The following INPP5A variants were observed in gnomAD, a reference collection of about 807,000 sequenced individuals.
The protein encoded by INPP5A is inositol polyphosphate-5-phosphatase A.
INPP5A carries 14 observed loss-of-function variants against 65.2 expected under a neutral mutation model. That is an observed-to-expected ratio of 0.21 (90% CI 0.14 to 0.34). The LOEUF (loss-of-function observed/expected upper bound fraction) is 0.34. Ranked by LOEUF, INPP5A falls within the 10% of genes least tolerant of loss-of-function variation. INPP5A has a pLI of 1.00. For missense variants in INPP5A, 431 were observed against 545.6 expected (o/e 0.79, Z 2.09); for synonymous variants, 207 against 208.3 (o/e 0.99, Z 0.05).
intron 9 of INPP5A, among the ~76,000 whole-genome samples, chr10:132,735,520 T>C (rs1846160749): frequency 6.6e-6 from 1 of 152,210 alleles, no homozygotes; most frequent in Non-Finnish European, 1.5e-5. Context: ...TGTAATGGTC[T>C]TTCAGAAACC....
chr10:132,673,135 G>A (rs886094222), intron 4 of INPP5A, among the ~76,000 whole-genome samples: 2 of 152,206 alleles, frequency 1.3e-5, no homozygotes, highest in South Asian at 2.1e-4. Context: ...CCCCAACAGT[G>A]TAACTCCTTT....
At chr10:132,746,305 G>A (rs555524302) in intron 9 of INPP5A, among the ~76,000 whole-genome samples, 9 of 152,236 alleles carry the variant, frequency 5.9e-5, no homozygotes, top group Non-Finnish European at 8.8e-5. Context: ...TGGGCTGACA[G>A]GGTCTGAGAG....
Position 132,678,300 on chromosome 10 carries a change from C to A in INPP5A, c.307-12092C>A, listed in dbSNP as rs1396557463. Among the ~76,000 whole-genome samples, 1 of 152,198 alleles carries A rather than the reference C, an allele frequency of 6.6e-6. No individual in the cohort carries two copies. The highest frequency in any genetic ancestry group is 1.5e-5 in the Non-Finnish European group (1 of 68,032). The stretch of plus-strand genomic sequence containing the variant: ...ATGAGTTCATTATACAGGAAAAGAT[C>A]AATGAAGCGCTACATTGATTTAAAC... On this transcript the variant is annotated intron_variant, in intron 4 of 15. Transcript: ENST00000368594. This position sits in a 1 kb window ranked among gnomAD's most constrained non-coding sequence, Gnocchi z 4.1.
At position 132,657,220 on chromosome 10, in the gene INPP5A, C is replaced by T. The variant is rs552254873; in HGVS notation, c.306+6715C>T. 3.3e-5 allele frequency among the ~76,000 whole-genome samples: 5 copies of T among 152,330 alleles called. No individual in the cohort carries two copies. The South Asian group carries it at 6.2e-4, about 19-fold the overall frequency. ...GGGCAGAGTGGCCACAGCACGTGGC[C>T]GCTGGTCACCAACCGGGGGCTTACC... On this transcript the variant is annotated intron_variant, in intron 4 of 15. Coordinates refer to ENST00000368594, the MANE Select transcript of INPP5A (RefSeq NM_005539.5).
chr10:132,635,627 C>A (rs752361281), intron 2 of INPP5A, among the ~76,000 whole-genome samples: 1 of 151,528 alleles, frequency 6.6e-6, no homozygotes, highest in Non-Finnish European at 1.5e-5. Context: ...GATCTCCTGA[C>A]CTCGTGACCC....
At position 132,749,522 on chromosome 10, in the gene INPP5A, C is replaced by T. The variant is rs770039833; in HGVS notation, c.738C>T (p.Leu246=). The T allele has an allele frequency of 6.2e-7, 1 of 1,612,912 alleles. No individual in the cohort carries two copies. Residue 246 remains leucine (L), a synonymous_variant, in exon 10 of 16, where the codon CTC becomes CTT. Transcript: ENST00000368594. ...RLDSKSVVET[L]CTKATMQTVR... is the part of the protein sequence containing the mutation. The stretch of plus-strand genomic sequence containing the variant: ...CCGTTGCTGTCTTTCTGCAGACGCT[C>T]TGCACAAAAGCCACCATGCAGACGG...
chr10:132,551,035 TG>T lies in INPP5A; in HGVS notation c.75+12866del, dbSNP rs1231336508. Among the ~76,000 whole-genome samples, 1 of 152,202 alleles carries T rather than the reference TG, an allele frequency of 6.6e-6. No homozygotes were observed. The highest frequency in any genetic ancestry group is 1.5e-5 in the Non-Finnish European group (1 of 68,038). The stretch of plus-strand genomic sequence containing the variant: ...CTGCACTGTGGTCCATTTGGGCCAG[TG>T]GCTTCAGTAGCCACACGCTGCTTGG... On this transcript the variant is annotated intron_variant, in intron 1 of 15. Coordinates refer to ENST00000368594, the MANE Select transcript of INPP5A (RefSeq NM_005539.5). The surrounding 1 kb of genome is among the most constrained non-coding windows in gnomAD (Gnocchi z 5.3).
rs765991979 is a variant in INPP5A, at chr10:132,749,555, C to A, written c.771C>A (p.Ala257=). 1 of 1,613,024 alleles carries A rather than the reference C, an allele frequency of 6.2e-7. No individual in the cohort carries two copies. Among genetic ancestry groups the A allele is most frequent in the African/African-American group, 1.3e-5 (1 of 75,060 alleles). Residue 257 remains alanine, a synonymous_variant, in exon 10 of 16, where the codon GCC becomes GCA. Transcript: ENST00000368594. The part of the protein sequence containing the change: ...CTKATMQTVR[A]ADTNEVVKLI... ...AAGCCACCATGCAGACGGTCCGGGC[C>A]GCCGACACCAATGAAGTGGTGAAGC...
At chr10:132,755,273 GC>G (rs1210202086) in intron 11 of INPP5A, among the ~76,000 whole-genome samples, 1 of 151,536 alleles carries the variant, frequency 6.6e-6, no homozygotes, top group Non-Finnish European at 1.5e-5. Context: ...GTGCATGTGA[GC>G]CTTCATGAGC....
chr10:132,612,842 G>A (rs996425614), intron 2 of INPP5A, among the ~76,000 whole-genome samples: 1 of 152,188 alleles, frequency 6.6e-6, no homozygotes, highest in African/African-American at 2.4e-5. Flanking sequence ...CAGTGGGGTG[G>A]GGGTTGGAAT....
chr10:132,727,016 G>A lies in INPP5A; in HGVS notation c.732+111G>A. ...CACTTTCAATGCCATCCGCCTCCCG[G>A]GATGCACTTTTTAAGGCAAAACCTT... On this transcript the variant is annotated intron_variant, in intron 9 of 15. Transcript: ENST00000368594. The surrounding 1 kb of genome is among the most constrained non-coding windows in gnomAD (Gnocchi z 6.5). 1.5e-6 allele frequency: 1 copy of A among 658,768 alleles called. No individual in the cohort carries two copies. The allele number at this position is 658,768 out of a possible 1,614,324, so 40.8% of individuals were successfully genotyped here. A position where few individuals can be genotyped will look rare whatever the true frequency, so the allele number is the denominator to read the frequency against.
intron 1 of INPP5A, among the ~76,000 whole-genome samples, chr10:132,607,484 C>T (rs990837732): frequency 6.6e-6 from 1 of 152,240 alleles, no homozygotes; most frequent in Non-Finnish European, 1.5e-5. Context: ...CAAAGCTCAG[C>T]TTTGTCTAGT....
intron 12 of INPP5A, 23 bp downstream of exon 12, chr10:132,765,869 G>C (rs774393784): frequency 2.0e-6 from 3 of 1,477,218 alleles, no homozygotes; most frequent in Non-Finnish European, 2.8e-6. Flanking sequence ...CTGTTTGCTG[G>C]ATGAACCCGG....
rs369425213 is a variant in INPP5A, at chr10:132,737,832, TTCTA to T, written c.732+10929_732+10932del. On this transcript the variant is annotated intron_variant, in intron 9 of 15. Transcript: ENST00000368594. ...TAGAAAGAGATTTTATTTGGTCTGT[TTCTA>T]TATAGGGCCTATGACATCAACTGAA... Among the ~76,000 whole-genome samples, 35 of 152,370 alleles carry T rather than the reference TTCTA, an allele frequency of 2.3e-4. No homozygotes were observed. In the East Asian group the frequency reaches 6.2e-3, roughly 27 times the overall value.
intron 11 of INPP5A, among the ~76,000 whole-genome samples, chr10:132,754,219 G>T (rs1187191717): frequency 1.3e-5 from 2 of 152,250 alleles, no homozygotes; most frequent in African/African-American, 4.8e-5. Flanking sequence ...TATCATGGTC[G>T]TGTGTACCTC....
intron 12 of INPP5A, among the ~76,000 whole-genome samples, chr10:132,774,392 G>A (rs1289729429): frequency 6.6e-6 from 1 of 152,224 alleles, no homozygotes; most frequent in Non-Finnish European, 1.5e-5. Flanking sequence ...CCAGGCGGGA[G>A]TCAGAGGAGG....
chr10:132,645,858 C>T lies in INPP5A; in HGVS notation c.118-10C>T, dbSNP rs201359162. ...CCGACGACCCTGACAGTGTGCTTCT[C>T]TCCCTCCAGGTCGTGCACACACACA... On this transcript the variant is annotated splice_polypyrimidine_tract_variant and intron_variant, in intron 2 of 15. Coordinates refer to ENST00000368594, the MANE Select transcript of INPP5A (RefSeq NM_005539.5). 2.0e-4 allele frequency: 318 copies of T among 1,607,094 alleles called. 1 individual carries two copies. The African/African-American group carries it at 3.7e-3, about 19-fold the overall frequency.
At chr10:132,622,323 G>A (rs1370023419) in intron 2 of INPP5A, among the ~76,000 whole-genome samples, 1 of 151,026 alleles carries the variant, frequency 6.6e-6, no homozygotes, top group African/African-American at 2.4e-5. Flanking sequence ...CGCGTTCGTG[G>A]ATTGGAAGAC....
intron 1 of INPP5A, among the ~76,000 whole-genome samples, chr10:132,578,237 A>G (rs1246661788): frequency 6.6e-6 from 1 of 152,204 alleles, no homozygotes; most frequent in Non-Finnish European, 1.5e-5. Flanking sequence ...TCAGTGCCAT[A>G]TAAATCTGGG....
Sources: gnomAD v4.1 joint callset for allele counts (sites outside exome capture counted in the v4.1 genomes callset) on GRCh38, gnomAD v4.1.1 for gene constraint, Gnocchi (gnomAD v3.1) non-coding constraint, MANE v1.5 for transcripts, NCBI Gene and HGNC (gene_info 2026-07-23, HGNC 2026-07-21) for gene names.